GRM3: variants seen among roughly 807,000 people sequenced by gnomAD.
GRM3 encodes the protein glutamate metabotropic receptor 3.
Under a neutral mutation model 70.5 loss-of-function variants are expected in GRM3, and 26 were observed. That is an observed-to-expected ratio of 0.37 (90% confidence interval 0.27 to 0.51). The LOEUF (loss-of-function observed/expected upper bound fraction) is 0.51. GRM3 is among the 20% of genes least tolerant of loss of function. The pLI is 0.93. For missense variants in GRM3, 859 were observed against 1,123.8 expected, an observed-to-expected ratio of 0.76 and a Z score of 3.37; for synonymous variants, 443 against 434.9, an observed-to-expected ratio of 1.02 and a Z score of -0.23.
intron 1 of GRM3, among the ~76,000 whole-genome samples, chr7:86,702,365 G>A (rs1212597150): frequency 6.6e-6 from 1 of 151,986 alleles, no homozygotes; most frequent in Non-Finnish European, 1.5e-5. Flanking sequence ...TGGACAGAGT[G>A]AACAATGTTC....
At chr7:86,750,392 G>A (rs1796201878) in intron 1 of GRM3, among the ~76,000 whole-genome samples, 1 of 151,960 alleles carries the variant, frequency 6.6e-6, no homozygotes. Flanking sequence ...AATGCAACTT[G>A]GACAAATCAA....
chr7:86,713,055 A>G (rs1795234557), intron 1 of GRM3, among the ~76,000 whole-genome samples: 1 of 152,040 alleles, frequency 6.6e-6, no homozygotes, highest in African/African-American at 2.4e-5. Context: ...CCTCTATACT[A>G]TTCTTCATAG....
intron 4 of GRM3, among the ~76,000 whole-genome samples, chr7:86,846,081 G>A (rs1169161133): frequency 6.6e-6 from 1 of 152,130 alleles, no homozygotes. Context: ...CAGGGCTGTC[G>A]CTGATGGTAG....
At chr7:86,752,271 G>A (rs924599483) in intron 1 of GRM3, among the ~76,000 whole-genome samples, 42 of 152,018 alleles carry the variant, frequency 2.8e-4, no homozygotes, top group Admixed American at 6.6e-5. Flanking sequence ...CATGCAATAC[G>A]CACTCTTTGG....
At chr7:86,749,442 G>A (rs1252671437) in intron 1 of GRM3, among the ~76,000 whole-genome samples, 1 of 152,082 alleles carries the variant, frequency 6.6e-6, no homozygotes, top group Non-Finnish European at 1.5e-5. Flanking sequence ...TACCCCATAT[G>A]TATGCTAAAC....
At chr7:86,856,553 T>C (rs1358781190) in intron 5 of GRM3, among the ~76,000 whole-genome samples, 1 of 152,048 alleles carries the variant, frequency 6.6e-6, no homozygotes. Context: ...GACACACTTT[T>C]ACCTATGTAA....
intron 3 of GRM3, among the ~76,000 whole-genome samples, chr7:86,828,826 T>C (rs1798295361): frequency 6.6e-6 from 1 of 152,224 alleles, no homozygotes; most frequent in African/African-American, 2.4e-5. Context: ...TGTGATGCTG[T>C]TTGACAGCAT....
chr7:86,692,510 G>T lies in GRM3; in HGVS notation c.-141+47638G>T, dbSNP rs112604600. On this transcript the variant is annotated intron_variant, in intron 1 of 5. Transcript: ENST00000361669. ...ATGGCTTATGCCTTCACGTCATTCA[G>T]TTATTTGCTCAAATCACACATATCC... Among the ~76,000 whole-genome samples the T allele has an allele frequency of 1.7e-3, 254 of 152,262 alleles. 1 individual carries two copies. Among genetic ancestry groups the T allele is most frequent in the African/African-American group, 5.8e-3 (239 of 41,552 alleles).
chr7:86,770,356 TC>T (rs966872063), intron 2 of GRM3, among the ~76,000 whole-genome samples: 14 of 152,180 alleles, frequency 9.2e-5, no homozygotes, highest in African/African-American at 2.9e-4. Flanking sequence ...CTCTTTCCCA[TC>T]CCTGGTATAG....
chr7:86,739,163 G>A (rs1378411328), intron 1 of GRM3, among the ~76,000 whole-genome samples: 1 of 152,170 alleles, frequency 6.6e-6, no homozygotes, highest in Non-Finnish European at 1.5e-5. Context: ...TTTTAGTAGA[G>A]ATGGGGTTTC....
chr7:86,691,053 A>G (rs987462293), intron 1 of GRM3, among the ~76,000 whole-genome samples: 6 of 152,044 alleles, frequency 3.9e-5, no homozygotes, highest in Non-Finnish European at 7.4e-5. Context: ...CTCTACTACC[A>G]TTTCCTAGTT....
Position 86,864,379 on chromosome 7 carries a change from G to A in GRM3, c.*24G>A. On this transcript the variant is annotated 3_prime_UTR_variant, in exon 6 of 6. Transcript: ENST00000361669. ...GATTGTGAATTGCAGTTCAGTTCTT[G>A]TGTTTTTAGACTGTTAGACAAAAGT... The A allele has an allele frequency of 6.3e-7, 1 of 1,589,902 alleles. No individual in the cohort carries two copies.
At chr7:86,685,035 C>T (rs1002341616) in intron 1 of GRM3, among the ~76,000 whole-genome samples, 11 of 152,130 alleles carry the variant, frequency 7.2e-5, no homozygotes, top group African/African-American at 2.4e-4. Context: ...CAGACTGTTA[C>T]TTTTGTTTTC....
At chr7:86,802,744 GA>G (rs772862143) in intron 3 of GRM3, among the ~76,000 whole-genome samples, 1 of 152,104 alleles carries the variant, frequency 6.6e-6, no homozygotes, top group Non-Finnish European at 1.5e-5. Flanking sequence ...GAAGAAATGA[GA>G]AAAATACTGG....
chr7:86,826,309 C>T (rs1330057064), intron 3 of GRM3, among the ~76,000 whole-genome samples: 1 of 152,200 alleles, frequency 6.6e-6, no homozygotes, highest in African/African-American at 2.4e-5. Context: ...GACATTCTTG[C>T]TTGTGAGTTA....
intron 1 of GRM3, among the ~76,000 whole-genome samples, chr7:86,753,759 T>C (rs1366388706): frequency 6.6e-6 from 1 of 152,110 alleles, no homozygotes. Flanking sequence ...TAGGAATGGA[T>C]TTTATAAGAG....
chr7:86,776,618 A>G (rs1475997272), intron 2 of GRM3, among the ~76,000 whole-genome samples: 1 of 152,148 alleles, frequency 6.6e-6, no homozygotes, highest in Non-Finnish European at 1.5e-5. Context: ...AAAGATTGGC[A>G]TGCCTTTTGT....
At chr7:86,695,075 T>C (rs1404695950) in intron 1 of GRM3, among the ~76,000 whole-genome samples, 1 of 152,128 alleles carries the variant, frequency 6.6e-6, no homozygotes, top group African/African-American at 2.4e-5. Flanking sequence ...CCTGGACAAA[T>C]CACATAAAAT....
At chr7:86,840,221 G>A (rs951051471) in intron 4 of GRM3, among the ~76,000 whole-genome samples, 9 of 152,216 alleles carry the variant, frequency 5.9e-5, no homozygotes, top group South Asian at 2.1e-4. Flanking sequence ...CTTAAAAAGC[G>A]ATTGACAATA....
Sources: allele counts gnomAD v4.1 joint callset (sites outside exome capture counted in the v4.1 genomes callset), GRCh38; gene constraint gnomAD v4.1.1; transcripts MANE v1.5; gene names NCBI Gene and HGNC (gene_info 2026-07-23, HGNC 2026-07-21).